Variants in NDRG4 observed in about 807,000 individuals in gnomAD.
NDRG4 encodes NDRG family member 4, also known as protein NDRG4.
NDRG4 carries 38 observed loss-of-function variants against 55.8 expected under a neutral mutation model. That is an observed-to-expected ratio of 0.68 (90% CI 0.53 to 0.89). The LOEUF (loss-of-function observed/expected upper bound fraction) is 0.89, where lower values mean the gene tolerates loss of function less well. Ranked by LOEUF, NDRG4 falls within the 40% of genes least tolerant of loss-of-function variation. The probability of loss-of-function intolerance (pLI) is 0.00; values close to 1 mark genes in which losing one functional copy is unlikely to be tolerated. For missense variants in NDRG4, 455 were observed against 468.6 expected (o/e 0.97, Z 0.27); for synonymous variants, 190 against 182.7 (o/e 1.04, Z -0.32).
chr16:58,474,924 A>G (rs927561660), intron 1 of NDRG4, among the ~76,000 whole-genome samples: 3 of 152,240 alleles, frequency 2.0e-5, no homozygotes, highest in African/African-American at 7.2e-5. Context: ...TGAGGCAGGA[A>G]AGCTCTGGGA....
intron 1 of NDRG4, among the ~76,000 whole-genome samples, chr16:58,469,768 G>A (rs1419650593): frequency 6.6e-6 from 1 of 152,146 alleles, no homozygotes; most frequent in Non-Finnish European, 1.5e-5. Flanking sequence ...TTTGCTGTGC[G>A]CCAGACATAG....
intron 1 of NDRG4, among the ~76,000 whole-genome samples, chr16:58,471,698 G>A (rs1258447798): frequency 6.6e-6 from 1 of 152,094 alleles, no homozygotes; most frequent in Non-Finnish European, 1.5e-5. Context: ...GGTGTCTTAA[G>A]CCCCATAACA....
chr16:58,503,956 C>T (rs760954475), intron 2 of NDRG4, 53 bp downstream of exon 2: 53 of 1,589,152 alleles, frequency 3.3e-5, no homozygotes, highest in Non-Finnish European at 4.0e-5. Context: ...TCAGCCAGAG[C>T]GGTGAGGCCC....
At chr16:58,507,273 G>T (rs2038166547) in intron 8 of NDRG4, 2 of 526,888 alleles carry the variant, frequency 3.8e-6, no homozygotes, top group Non-Finnish European at 3.4e-6. Context: ...GAATGTTGGG[G>T]GTGTTAGTGA....
rs2038026941 is a variant in NDRG4, at chr16:58,506,477, T to C, written c.459+4T>C. 1 of 1,605,506 alleles carries C rather than the reference T, an allele frequency of 6.2e-7. No individual in the cohort carries two copies. The highest frequency in any genetic ancestry group is 1.4e-5 in the African/African-American group (1 of 73,476). Reference sequence around the variant, plus strand: ...GATAGACTGGGCTGCCACCAAGGTGTGTGTGGTGACCGGGGGTGGGGTGGG... The same window carrying C: ...GATAGACTGGGCTGCCACCAAGGTGCGTGTGGTGACCGGGGGTGGGGTGGG... On this transcript the variant is annotated splice_donor_region_variant and intron_variant, in intron 6 of 14. Transcript: ENST00000570248.
chr16:58,472,690 GTC>G (rs939219177), intron 1 of NDRG4, among the ~76,000 whole-genome samples: 2 of 152,182 alleles, frequency 1.3e-5, no homozygotes, highest in African/African-American at 4.8e-5. Flanking sequence ...ATCGGCCTCT[GTC>G]TCTCTCTCCC....
chr16:58,484,069 GGTTT>G (rs1283661859), intron 1 of NDRG4, among the ~76,000 whole-genome samples: 4 of 150,816 alleles, frequency 2.7e-5, no homozygotes, highest in African/African-American at 9.8e-5. Context: ...GCAGAGCCAG[GGTTT>G]GTTTTGACCA....
In NDRG4 at chr16:58,511,416, C is replaced by G; in HGVS notation, c.905-6C>G. 3 of 1,600,480 alleles carry G rather than the reference C, an allele frequency of 1.9e-6. No homozygotes were observed. Among genetic ancestry groups the G allele is most frequent in the Non-Finnish European group, 2.6e-6 (3 of 1,172,266 alleles). On this transcript the variant is annotated splice_region_variant and splice_polypyrimidine_tract_variant and intron_variant, in intron 14 of 14. Coordinates refer to ENST00000570248, the MANE Select transcript of NDRG4 (RefSeq NM_001242835.2). The stretch of plus-strand genomic sequence containing the variant: ...GTCCTCAGGCCCATCCTGTCTCTGT[C>G]CACAGTGCCCTCAGCCAGCATGACC...
chr16:58,500,331 C>T (rs2036915536), intron 1 of NDRG4, 62 bp downstream of exon 1: 1 of 1,522,696 alleles, frequency 6.6e-7, no homozygotes, highest in Non-Finnish European at 8.8e-7. Context: ...TTATGACCCA[C>T]CGCAGGGAGG....
chr16:58,507,343 G>A (rs888279769), intron 8 of NDRG4: 3 of 425,088 alleles, frequency 7.1e-6, no homozygotes, highest in Middle Eastern at 6.5e-4. Flanking sequence ...GGAAGAGGTC[G>A]GATGAGCCTG....
At chr16:58,496,294 G>A (rs544871218), upstream of NDRG4, among the ~76,000 whole-genome samples, 16 of 152,200 alleles carry the variant, frequency 1.1e-4, no homozygotes, top group South Asian at 2.1e-4. Flanking sequence ...CTGCAGCCCC[G>A]GAGTTGCGGG....
At chr16:58,465,540 G>A (rs989981908) in intron 1 of NDRG4, among the ~76,000 whole-genome samples, 55 of 146,190 alleles carry the variant, frequency 3.8e-4, no homozygotes, top group African/African-American at 1.4e-3. Flanking sequence ...TGGAATGTGC[G>A]TGTGTGTTGC....
chr16:58,464,083 G>A lies in NDRG4; in HGVS notation c.-24+286G>A, dbSNP rs1267776588. ...CCCCCCACCGCGACGCCCGGAGGCGGCGGGGTCTCTTTGTTCGGGCGGCGG... is the reference window on the plus strand; with the variant it reads ...CCCCCCACCGCGACGCCCGGAGGCGACGGGGTCTCTTTGTTCGGGCGGCGG... On this transcript the variant is annotated intron_variant, in intron 1 of 15. Transcript: ENST00000258187. This position sits in a 1 kb window ranked among gnomAD's most constrained non-coding sequence, Gnocchi z 4.8. The A allele has an allele frequency of 8.0e-6, 2 of 250,812 alleles. No homozygotes were observed. The highest frequency in any genetic ancestry group is 2.2e-5 in the African/African-American group (1 of 44,778). The allele number at this position is 250,812 out of a possible 1,614,324, so 15.5% of individuals were successfully genotyped here. A position where few individuals can be genotyped will look rare whatever the true frequency, so the allele number is the denominator to read the frequency against.
chr16:58,509,437 G>A lies in NDRG4; in HGVS notation c.865+85G>A, dbSNP rs1597345748. On this transcript the variant is annotated intron_variant, in intron 13 of 14. Transcript: ENST00000570248. Reference sequence around the variant, plus strand: ...GGTTGGGGCTCCTGTTTGCAGGGCTGGCACGTGGTGTCAGGTGGTAGTAGG... The same window carrying A: ...GGTTGGGGCTCCTGTTTGCAGGGCTAGCACGTGGTGTCAGGTGGTAGTAGG... The A allele has an allele frequency of 5.6e-6, 8 of 1,431,152 alleles. No individual in the cohort carries two copies. In the East Asian group the frequency reaches 1.4e-4, roughly 24 times the overall value. The allele number at this position is 1,431,152 out of a possible 1,614,324, so 88.7% of individuals were successfully genotyped here.
intron 11 of NDRG4, 43 bp from the exon 12 acceptor site, chr16:58,509,111 G>C: frequency 6.2e-7 from 1 of 1,613,996 alleles, no homozygotes; most frequent in Non-Finnish European, 8.5e-7. Context: ...GCTTGTCCTG[G>C]AGTGAGGGCC....
chr16:58,480,090 G>A (rs1407995447), intron 1 of NDRG4, among the ~76,000 whole-genome samples: 1 of 152,162 alleles, frequency 6.6e-6, no homozygotes, highest in Non-Finnish European at 1.5e-5. Context: ...TGGGGAATGT[G>A]CAGAGGCTGC....
rs145564006 is a variant in NDRG4 at position 58,503,843 on chromosome 16, C to T, written c.67C>T (p.Arg23Trp). 4.8e-5 allele frequency: 77 copies of T among 1,613,982 alleles called. No homozygotes were observed. The highest frequency in any genetic ancestry group is 1.6e-4 in the Middle Eastern group (1 of 6,062). The change falls in exon 2 of 15, where the codon CGG (arginine) becomes TGG (tryptophan). Residue 23 changes from arginine (R) to tryptophan (W), a missense_variant. Coordinates refer to ENST00000570248, the MANE Select transcript of NDRG4 (RefSeq NM_001242835.2). ...TPYGLLHVVIRGSPKGNRPAI... is the reference protein window; with the variant it reads ...TPYGLLHVVIWGSPKGNRPAI... ...CTACGGCCTTCTGCATGTAGTGATC[C>T]GGGGCTCCCCCAAGGGGAACCGCCC...
At chr16:58,477,730 G>A (rs1454726928) in intron 1 of NDRG4, among the ~76,000 whole-genome samples, 1 of 151,218 alleles carries the variant, frequency 6.6e-6, no homozygotes. Context: ...AGTAATAATT[G>A]CTGTAGGCAA....
intron 13 of NDRG4, among the ~76,000 whole-genome samples, chr16:58,509,915 G>A (rs2038564142): frequency 6.6e-6 from 1 of 151,788 alleles, no homozygotes; most frequent in Non-Finnish European, 1.5e-5. Context: ...CTGGGTCTGG[G>A]GTGGAACCAG....
Sources: allele counts gnomAD v4.1 joint callset (sites outside exome capture counted in the v4.1 genomes callset), GRCh38; gene constraint gnomAD v4.1.1; non-coding constraint Gnocchi (gnomAD v3.1); transcripts MANE v1.5; gene names NCBI Gene and HGNC (gene_info 2026-07-23, HGNC 2026-07-21).